Variants in QSOX2 observed in about 807,000 individuals in gnomAD.
QSOX2 encodes quiescin sulfhydryl oxidase 2, also known as sulfhydryl oxidase 2.
QSOX2 carries 46 observed loss-of-function variants against 61.7 expected under a neutral mutation model. That is an observed-to-expected ratio of 0.75 (90% CI 0.59 to 0.95). QSOX2 has a LOEUF of 0.95. QSOX2 is among the 40% of genes least tolerant of loss of function. The probability of loss-of-function intolerance (pLI) is 0.00; values close to 1 mark genes in which losing one functional copy is unlikely to be tolerated. For missense variants in QSOX2, 879 were observed against 918.9 expected, an observed-to-expected ratio of 0.96 and a Z score of 0.56; for synonymous variants, 383 against 388.4, an observed-to-expected ratio of 0.99 and a Z score of 0.16.
intron 11 of QSOX2, chr9:136,210,522 G>A (rs1831832028): frequency 2.0e-6 from 2 of 985,340 alleles, no homozygotes; most frequent in South Asian, 4.7e-5. Context: ...AGGCTGCCAG[G>A]GCGGAGAGAC....
At chr9:136,242,463 C>T (rs2131072079) in intron 1 of QSOX2, among the ~76,000 whole-genome samples, 1 of 152,378 alleles carries the variant, frequency 6.6e-6, no homozygotes, top group African/African-American at 2.4e-5. Context: ...GGCCTGTGTG[C>T]CCCCAGGGGA....
intron 10 of QSOX2, among the ~76,000 whole-genome samples, chr9:136,213,243 G>GTTTTTT (rs398046934): frequency 2.7e-5 from 3 of 111,046 alleles, no homozygotes; most frequent in African/African-American, 7.1e-5. Flanking sequence ...GTTTTGTTGT[G>GTTTTTT]TTTTTTTTTT....
At chr9:136,240,391 G>A (rs923137537) in intron 1 of QSOX2, among the ~76,000 whole-genome samples, 8 of 152,146 alleles carry the variant, frequency 5.3e-5, no homozygotes, top group South Asian at 2.1e-4. Context: ...GTATCAAATC[G>A]TTCTAGAAAA....
chr9:136,239,155 A>G (rs1830414893), intron 1 of QSOX2, among the ~76,000 whole-genome samples: 2 of 152,076 alleles, frequency 1.3e-5, no homozygotes, highest in Non-Finnish European at 1.5e-5. Context: ...TGGTCTGTTC[A>G]TTTTTCTAGG....
chr9:136,239,028 G>T (rs940980389), intron 1 of QSOX2, among the ~76,000 whole-genome samples: 1 of 152,208 alleles, frequency 6.6e-6, no homozygotes, highest in Non-Finnish European at 1.5e-5. Context: ...TGGCTGTCTC[G>T]GGTCCTCTGT....
chr9:136,236,286 C>T (rs1056400375), intron 1 of QSOX2, among the ~76,000 whole-genome samples: 3 of 152,238 alleles, frequency 2.0e-5, no homozygotes, highest in East Asian at 1.9e-4. Flanking sequence ...GGCTGTGTGC[C>T]GGCCCCTGGG....
chr9:136,209,748 T>C lies in QSOX2; in HGVS notation c.1550-473A>G, dbSNP rs1038537354. 1 of 984,738 alleles carries C rather than the reference T, an allele frequency of 1.0e-6. No homozygotes were observed. Among genetic ancestry groups the C allele is most frequent in the East Asian group, 1.2e-4 (1 of 8,644 alleles). The allele number at this position is 984,738 out of a possible 1,614,324, so 61.0% of individuals were successfully genotyped here. On this transcript the variant is annotated intron_variant, in intron 11 of 11. Transcript: ENST00000358701. The surrounding 1 kb of genome is among the most constrained non-coding windows in gnomAD (Gnocchi z 5.6). The stretch of plus-strand genomic sequence containing the variant: ...CCGGCCACCTGGGTGCTATGGACAG[T>C]GGGCCTTAGGTGCACCTTCAGGAAA...
chr9:136,233,079 C>T (rs546189887), intron 1 of QSOX2, among the ~76,000 whole-genome samples: 2 of 152,206 alleles, frequency 1.3e-5, no homozygotes, highest in South Asian at 2.1e-4. Context: ...GAGCACCAGT[C>T]GGGAGAGGCT....
rs781482811 is a variant in QSOX2 at position 136,221,535 on chromosome 9, C to T, written c.821+261G>A. Among the ~76,000 whole-genome samples the T allele has an allele frequency of 5.9e-5, 9 of 152,252 alleles. No homozygotes were observed. The highest frequency in any genetic ancestry group is 1.2e-4 in the Non-Finnish European group (8 of 68,052). ...CATGTGCTGGTTTAGCCACGGTTTCCTCTGCGACTCTTGGTAAGTCACCAC... is the reference window on the plus strand; with the variant it reads ...CATGTGCTGGTTTAGCCACGGTTTCTTCTGCGACTCTTGGTAAGTCACCAC... On this transcript the variant is annotated intron_variant, in intron 6 of 11. Coordinates refer to ENST00000358701, the MANE Select transcript of QSOX2 (RefSeq NM_181701.4). This position sits in a 1 kb window ranked among gnomAD's most constrained non-coding sequence, Gnocchi z 4.5.
chr9:136,215,338 A>G (rs777787742), intron 9 of QSOX2, 34 bp from the exon 10 acceptor site: 1 of 1,491,866 alleles, frequency 6.7e-7, no homozygotes, highest in Non-Finnish European at 9.0e-7. Flanking sequence ...ACCCCAAAGA[A>G]TAAAAGATAA....
At chr9:136,230,095 A>G (rs959292580) in intron 1 of QSOX2, among the ~76,000 whole-genome samples, 5 of 152,194 alleles carry the variant, frequency 3.3e-5, no homozygotes, top group Non-Finnish European at 7.4e-5. Context: ...CCTGGCCAAC[A>G]TGGTAAAACC....
intron 1 of QSOX2, among the ~76,000 whole-genome samples, chr9:136,238,320 C>T (rs1830407076): frequency 6.6e-6 from 1 of 152,256 alleles, no homozygotes. Context: ...CTCCGCATCT[C>T]AGGTGCGTGC....
chr9:136,216,772 GC>G, intron 8 of QSOX2, 50 bp from the exon 9 acceptor site: 1 of 1,603,422 alleles, frequency 6.2e-7, no homozygotes. Flanking sequence ...ACCCGGGCCC[GC>G]CCCCACCGCG....
In QSOX2 at chr9:136,209,302, C is replaced by T; in HGVS notation, c.1550-27G>A. ...TAGGAAGAAAAGGAAGCGGGAGAGCCAGAGGGAAGGAGGCTTTGTGCAGCC... is the reference window on the plus strand; with the variant it reads ...TAGGAAGAAAAGGAAGCGGGAGAGCTAGAGGGAAGGAGGCTTTGTGCAGCC... On this transcript the variant is annotated intron_variant, in intron 11 of 11. Coordinates refer to ENST00000358701, the MANE Select transcript of QSOX2 (RefSeq NM_181701.4). The surrounding 1 kb of genome is among the most constrained non-coding windows in gnomAD (Gnocchi z 5.6). 1 of 1,601,492 alleles carries T rather than the reference C, an allele frequency of 6.2e-7. No homozygotes were observed. Among genetic ancestry groups the T allele is most frequent in the South Asian group, 1.1e-5 (1 of 90,130 alleles).
intron 11 of QSOX2, chr9:136,210,037 C>T: frequency 3.0e-6 from 3 of 985,444 alleles, no homozygotes; most frequent in Non-Finnish European, 3.6e-6. Flanking sequence ...GTCTGGGGGA[C>T]TTGAGACGTG....
chr9:136,221,067 T>A lies in QSOX2; in HGVS notation c.821+729A>T, dbSNP rs1414253388. Among the ~76,000 whole-genome samples, 1 of 151,776 alleles carries A rather than the reference T, an allele frequency of 6.6e-6. No homozygotes were observed. The highest frequency in any genetic ancestry group is 2.0e-4 in the East Asian group (1 of 5,048). On this transcript the variant is annotated intron_variant, in intron 6 of 11. Coordinates refer to ENST00000358701, the MANE Select transcript of QSOX2 (RefSeq NM_181701.4). This position sits in a 1 kb window ranked among gnomAD's most constrained non-coding sequence, Gnocchi z 4.5. ...GGCACTCCACGCAGAGGCAAAGGGC[T>A]TATCCTCATGAGGGGCACACAGGCA...
rs1469854858 is a variant in QSOX2, at chr9:136,223,812, T to C, written c.626A>G (p.His209Arg). Residue 209 changes from histidine (H) to arginine (R), a missense_variant, in exon 5 of 12, where the codon CAT becomes CGT. Physicochemically the swap from His to Arg is conservative, Grantham distance 29. Transcript: ENST00000358701. This position sits in a 1 kb window ranked among gnomAD's most constrained non-coding sequence, Gnocchi z 4.4. ...GCTTTCAAAGACAATAGCCACGTAA[T>C]GGCTGCCACGGTTGTCAAGAAGGGA... Reference protein sequence around the residue: ...VLSLLDNRGSHYVAIVFESNS... With the variant: ...VLSLLDNRGSRYVAIVFESNS... 6.2e-7 allele frequency: 1 copy of C among 1,614,062 alleles called. No homozygotes were observed. Among genetic ancestry groups the C allele is most frequent in the Non-Finnish European group, 8.5e-7 (1 of 1,180,028 alleles).
At chr9:136,239,907 T>C (rs1830421278) in intron 1 of QSOX2, among the ~76,000 whole-genome samples, 1 of 152,240 alleles carries the variant, frequency 6.6e-6, no homozygotes, top group African/African-American at 2.4e-5. Context: ...ACAAAAGATA[T>C]GGTAGTCCAT....
intron 11 of QSOX2, chr9:136,210,992 T>C (rs1831836793): frequency 2.6e-6 from 2 of 761,694 alleles, no homozygotes; most frequent in Non-Finnish European, 3.2e-6. Flanking sequence ...TGGGTACCGA[T>C]GGGGGAAGAA....
Sources: gnomAD v4.1 joint callset for allele counts (sites outside exome capture counted in the v4.1 genomes callset) on GRCh38, gnomAD v4.1.1 for gene constraint, Gnocchi (gnomAD v3.1) non-coding constraint, MANE v1.5 for transcripts, NCBI Gene and HGNC (gene_info 2026-07-23, HGNC 2026-07-21) for gene names.